The following JAKMIP3 variants were observed in gnomAD, a reference collection of about 807,000 sequenced individuals.
JAKMIP3 encodes Janus kinase and microtubule interacting protein 3, also known as janus kinase and microtubule-interacting protein 3.
A neutral mutation model predicts 118.5 loss-of-function variants in JAKMIP3; 58 were observed. The ratio of observed to expected loss-of-function variants is 0.49; its 90% CI spans 0.40 to 0.61. The LOEUF is 0.61. JAKMIP3 is among the 20% of genes least tolerant of loss of function. JAKMIP3 has a pLI of 0.00. For missense variants in JAKMIP3, 950 were observed against 1,109.0 expected, an observed-to-expected ratio of 0.86 and a Z score of 2.04; for synonymous variants, 486 against 451.2, an observed-to-expected ratio of 1.08 and a Z score of -0.98.
Position 132,153,706 on chromosome 10 carries a change from C to G in JAKMIP3, c.2074-53C>G, listed in dbSNP as rs532472715. On this transcript the variant is annotated intron_variant, in intron 17 of 23. Coordinates refer to ENST00000684848, the MANE Select transcript of JAKMIP3 (RefSeq NM_001323087.2). The stretch of plus-strand genomic sequence containing the variant: ...CTTTTCTCCCAGCTGTCTCCACGAG[C>G]CGGGGTGGGGGACCCTAGGGGTCAC... The G allele has an allele frequency of 1.9e-6, 3 of 1,568,246 alleles. No homozygotes were observed. In the African/African-American group the frequency reaches 4.0e-5, roughly 21 times the overall value.
Position 132,179,281 on chromosome 10 carries a change from CG to C in JAKMIP3, c.*1104-3072del, listed in dbSNP as rs1297989862. On this transcript the variant is annotated intron_variant, in intron 23 of 23. Transcript: ENST00000684848. This position sits in a 1 kb window ranked among gnomAD's most constrained non-coding sequence, Gnocchi z 4.3. ...CCTCCCCCAGCATCATGCACGGTCACGGGGCTGTATTTGTTGACGGGACTTT... is the reference window on the plus strand; with the variant it reads ...CCTCCCCCAGCATCATGCACGGTCACGGGCTGTATTTGTTGACGGGACTTT... Among the ~76,000 whole-genome samples, 7 of 152,184 alleles carry C rather than the reference CG, an allele frequency of 4.6e-5. No homozygotes were observed. The highest frequency in any genetic ancestry group is 9.7e-5 in the African/African-American group (4 of 41,446).
intron 1 of JAKMIP3, among the ~76,000 whole-genome samples, chr10:132,097,149 G>A (rs2043984713): frequency 6.6e-6 from 1 of 152,230 alleles, no homozygotes. Flanking sequence ...TCGGGAACCT[G>A]GGTCCCTCAT....
chr10:132,050,385 T>C (rs954439430), intron 1 of JAKMIP3, among the ~76,000 whole-genome samples: 1 of 152,204 alleles, frequency 6.6e-6, no homozygotes, highest in Admixed American at 6.5e-5. Flanking sequence ...TGGTGTCCAA[T>C]GGACCCTTCA....
Position 132,163,227 on chromosome 10 carries a change from G to T in JAKMIP3, c.2239G>T (p.Ala747Ser). ...QANKHILELE[A>S]MLYDALQQEA... ...GCCCCAGCACATCCTGGAGCTGGAA[G>T]CCATGCTGTATGATGCCCTGCAGCA... Residue 747 changes from alanine (A) to serine (S), a missense_variant, in exon 20 of 24, where the codon GCC (alanine) becomes TCC (serine). Ala to Ser is a moderately conservative substitution (Grantham distance 99). Coordinates refer to ENST00000684848, the MANE Select transcript of JAKMIP3 (RefSeq NM_001323087.2). 1 of 1,564,964 alleles carries T rather than the reference G, an allele frequency of 6.4e-7. No homozygotes were observed. Among genetic ancestry groups the T allele is most frequent in the Non-Finnish European group, 8.7e-7 (1 of 1,155,204 alleles).
intron 1 of JAKMIP3, among the ~76,000 whole-genome samples, chr10:132,093,161 A>G (rs2043322304): frequency 1.3e-5 from 2 of 152,158 alleles, no homozygotes; most frequent in African/African-American, 4.8e-5. Flanking sequence ...CGGCCGTGTG[A>G]GGTGTCAGTC....
intron 6 of JAKMIP3, among the ~76,000 whole-genome samples, chr10:132,136,727 C>T (rs1227316242): frequency 3.3e-5 from 5 of 152,222 alleles, no homozygotes; most frequent in Non-Finnish European, 7.3e-5. Context: ...CCAGTGTCAG[C>T]TTCAGGGCTG....
At position 132,168,819 on chromosome 10, in the gene JAKMIP3, T is replaced by C. The variant is rs1329693212; in HGVS notation, c.*889T>C. The C allele has an allele frequency of 4.7e-6, 1 of 214,626 alleles. No homozygotes were observed. Among genetic ancestry groups the C allele is most frequent in the Non-Finnish European group, 9.4e-6 (1 of 106,500 alleles). 13.3% of individuals were successfully genotyped at this position (214,626 alleles called of 1,614,324 possible). A position where few individuals can be genotyped will look rare whatever the true frequency, so the allele number is the denominator to read the frequency against. On this transcript the variant is annotated 3_prime_UTR_variant, in exon 23 of 24. Coordinates refer to ENST00000684848, the MANE Select transcript of JAKMIP3 (RefSeq NM_001323087.2). Reference sequence around the variant, plus strand: ...GAATCTCCAGAAGTCACAGAGGCCCTGGGCACCCAGAGCCACCCAGCCTGG... The same window carrying C: ...GAATCTCCAGAAGTCACAGAGGCCCCGGGCACCCAGAGCCACCCAGCCTGG...
chr10:132,163,410 C>G lies in JAKMIP3; in HGVS notation c.2422C>G (p.Gln808Glu), dbSNP rs141891193. The G allele has an allele frequency of 6.3e-7, 1 of 1,596,970 alleles. No individual in the cohort carries two copies. The change falls in exon 20 of 24, where the codon CAG (glutamine) becomes GAG (glutamate). Residue 808 changes from glutamine to glutamate, a missense_variant and splice_region_variant. Coordinates refer to ENST00000684848, the MANE Select transcript of JAKMIP3 (RefSeq NM_001323087.2). ...ERMELLQLAQQRIKELEERIE... is the reference protein window; with the variant it reads ...ERMELLQLAQERIKELEERIE... ...CATGGAGCTGCTGCAGCTGGCTCAG[C>G]AGGTGTGTGGCAGGCGGGGGCAGGG...
At position 132,180,616 on chromosome 10, in the gene JAKMIP3, C is replaced by CGT. The variant is rs1318352347; in HGVS notation, c.*1104-1733_*1104-1732dup. Among the ~76,000 whole-genome samples the CGT allele has an allele frequency of 2.8e-3, 41 of 14,604 alleles. 11 individuals are homozygous for CGT. In the South Asian group the frequency reaches 0.064, roughly 23 times the overall value. 9.6% of individuals were successfully genotyped at this position (14,604 alleles called of 152,430 possible). ...GTGTGTGCGTGCGCGTGTGTGTGTG[C>CGT]GTGTGTGTGCGTGTGTGCGTGCGTG... On this transcript the variant is annotated intron_variant, in intron 23 of 23. Transcript: ENST00000684848.
chr10:132,159,369 T>TCAGG (rs2057566719), intron 19 of JAKMIP3, among the ~76,000 whole-genome samples: 1 of 63,670 alleles, frequency 1.6e-5, no homozygotes. Flanking sequence ...TGTGTGATGC[T>TCAGG]GGTTGGGGGG....
chr10:132,111,033 A>G (rs77929738), intron 2 of JAKMIP3, among the ~76,000 whole-genome samples: 4,350 of 152,332 alleles, frequency 0.029, 198 homozygotes, highest in African/African-American at 0.098. Context: ...GCTGAGCCCC[A>G]ACTCTTGGAA....
intron 9 of JAKMIP3, among the ~76,000 whole-genome samples, chr10:132,138,452 C>T (rs1412655344): frequency 1.0e-4 from 11 of 105,916 alleles, no homozygotes; most frequent in African/African-American, 4.0e-4. Flanking sequence ...GTGTGTGTGC[C>T]GAGGACCGCG....
intron 1 of JAKMIP3, among the ~76,000 whole-genome samples, chr10:132,045,995 G>T (rs2037902301): frequency 6.6e-6 from 1 of 151,156 alleles, no homozygotes; most frequent in Non-Finnish European, 1.5e-5. Context: ...TACACACAAT[G>T]AAATGCATGG....
At chr10:132,100,479 T>C (rs9419189) in intron 1 of JAKMIP3, among the ~76,000 whole-genome samples, 94,791 of 151,930 alleles carry the variant, frequency 0.62, 29,751 homozygotes, top group East Asian at 0.71. Context: ...GAAGACGTAT[T>C]GACCAGAACA....
At chr10:132,162,813 C>T (rs989962023) in intron 19 of JAKMIP3, among the ~76,000 whole-genome samples, 1 of 77,462 alleles carries the variant, frequency 1.3e-5, no homozygotes, top group South Asian at 3.7e-4. Flanking sequence ...GCACCAGGAT[C>T]GGGTTCCATG....
intron 16 of JAKMIP3, among the ~76,000 whole-genome samples, chr10:132,152,348 C>T (rs1418461043): frequency 6.6e-6 from 1 of 152,198 alleles, no homozygotes; most frequent in African/African-American, 2.4e-5. Flanking sequence ...AGTCAGGCAG[C>T]CCTGGTCTGG....
chr10:132,075,277 T>C (rs2040600334), intron 1 of JAKMIP3, among the ~76,000 whole-genome samples: 1 of 152,196 alleles, frequency 6.6e-6, no homozygotes, highest in African/African-American at 2.4e-5. Context: ...ACTTCTCTTT[T>C]AACTGAATTT....
At position 132,180,672 on chromosome 10, in the gene JAKMIP3, TGTGC is replaced by T. The variant is rs1356577808; in HGVS notation, c.*1104-1683_*1104-1680del. ...GTGTGCGTGTGCGTGTGTGCGTGTG[TGTGC>T]GCGCGCGTGTGTGTGCGTGCGTGTG... On this transcript the variant is annotated intron_variant, in intron 23 of 23. Coordinates refer to ENST00000684848, the MANE Select transcript of JAKMIP3 (RefSeq NM_001323087.2). 9.7e-4 allele frequency among the ~76,000 whole-genome samples: 30 copies of T among 31,040 alleles called. 2 individuals are homozygous for T. Among genetic ancestry groups the T allele is most frequent in the African/African-American group, 2.9e-3 (25 of 8,694 alleles). 20.4% of individuals were successfully genotyped at this position (31,040 alleles called of 152,430 possible). A position where few individuals can be genotyped will look rare whatever the true frequency, so the allele number is the denominator to read the frequency against.
chr10:132,145,422 C>A, intron 12 of JAKMIP3, 96 bp from the exon 13 acceptor site: 1 of 1,231,422 alleles, frequency 8.1e-7, no homozygotes, highest in Admixed American at 2.1e-5. Flanking sequence ...CCACGCTGGC[C>A]AGACTGGTCT....
Sources: allele counts gnomAD v4.1 joint callset (sites outside exome capture counted in the v4.1 genomes callset), GRCh38; gene constraint gnomAD v4.1.1; non-coding constraint Gnocchi (gnomAD v3.1); transcripts MANE v1.5; gene names NCBI Gene and HGNC (gene_info 2026-07-23, HGNC 2026-07-21).